Variants in ERICH1 observed in about 807,000 individuals in gnomAD.
ERICH1 encodes the protein glutamate-rich protein 1.
ERICH1 carries 56 observed loss-of-function variants against 39.6 expected under a neutral mutation model. The observed-to-expected ratio is 1.41, with a 90% CI of 1.14 to 1.77. ERICH1 has a LOEUF of 1.77. ERICH1 is among the 40% of genes most tolerant of loss of function. The pLI, the probability that ERICH1 is intolerant of heterozygous loss-of-function variation, is 0.00. For missense variants in ERICH1, 826 were observed against 575.4 expected (o/e 1.44, Z -4.45); for synonymous variants, 313 against 223.6 (o/e 1.40, Z -3.57).
downstream of ERICH1, among the ~76,000 whole-genome samples, chr8:663,001 C>G (rs925975230): frequency 1.3e-5 from 2 of 152,256 alleles, no homozygotes; most frequent in African/African-American, 4.8e-5. Flanking sequence ...GAGCAGCCTG[C>G]GTCCTGTCCT....
chr8:651,210 C>T (rs945851531), intron 3 of ERICH1, among the ~76,000 whole-genome samples: 2 of 152,168 alleles, frequency 1.3e-5, no homozygotes, highest in African/African-American at 4.8e-5. Context: ...TGGTTCAGCT[C>T]AAGTTGTTAG....
At chr8:657,237 C>T (rs1585075334) in intron 3 of ERICH1, among the ~76,000 whole-genome samples, 2 of 152,314 alleles carry the variant, frequency 1.3e-5, no homozygotes, top group East Asian at 1.9e-4. Context: ...CTGAGAGGGG[C>T]TTCTGCCCGA....
At chr8:636,176 C>G (rs1164024424) in intron 3 of ERICH1, among the ~76,000 whole-genome samples, 1 of 152,220 alleles carries the variant, frequency 6.6e-6, no homozygotes, top group Non-Finnish European at 1.5e-5. Context: ...CCGGCCACCT[C>G]CACTGCCCTG....
At chr8:701,144 C>T (rs1812017886) in intron 2 of ERICH1, among the ~76,000 whole-genome samples, 1 of 152,272 alleles carries the variant, frequency 6.6e-6, no homozygotes, top group African/African-American at 2.4e-5. Flanking sequence ...AGAGCAAGGG[C>T]TGGAGAAGAA....
chr8:637,456 C>T (rs971057272), intron 3 of ERICH1: 3 of 152,438 alleles, frequency 2.0e-5, no homozygotes, highest in African/African-American at 7.2e-5. Flanking sequence ...GCTCGCCACT[C>T]CTGGGGTGGA....
At chr8:715,724 T>C (rs987065930) in intron 2 of ERICH1, 137 bp downstream of exon 2, 11 of 1,230,726 alleles carry the variant, frequency 8.9e-6, no homozygotes, top group Non-Finnish European at 1.1e-5. Context: ...ATGCCTGCCC[T>C]GCCCACCTGC....
intron 2 of ERICH1, among the ~76,000 whole-genome samples, chr8:700,114 C>G (rs111215728): frequency 0.16 from 19,584 of 124,734 alleles, 2,156 homozygotes; most frequent in Non-Finnish European, 0.24. Flanking sequence ...CACACGCGCA[C>G]ACACCCTCAC....
chr8:628,845 G>A (rs1220238984), intron 3 of ERICH1, among the ~76,000 whole-genome samples: 1 of 152,094 alleles, frequency 6.6e-6, no homozygotes, highest in Non-Finnish European at 1.5e-5. Flanking sequence ...AGGCAAACAA[G>A]CCCCCTCTCC....
chr8:707,645 G>A (rs1053857729), intron 2 of ERICH1, among the ~76,000 whole-genome samples: 3 of 152,050 alleles, frequency 2.0e-5, no homozygotes, highest in African/African-American at 4.8e-5. Context: ...AACATCAGCT[G>A]AAAACGGATC....
At chr8:690,452 G>C (rs1297155393) in intron 3 of ERICH1, among the ~76,000 whole-genome samples, 5 of 152,362 alleles carry the variant, frequency 3.3e-5, no homozygotes, top group Admixed American at 2.0e-4. Flanking sequence ...AGGTACCCAG[G>C]ACAAGACAAA....
At chr8:641,831 C>A (rs543853646) in intron 3 of ERICH1, among the ~76,000 whole-genome samples, 1 of 152,228 alleles carries the variant, frequency 6.6e-6, no homozygotes, top group Non-Finnish European at 1.5e-5. Flanking sequence ...AGAATCAACG[C>A]CCCGGCTCTG....
intron 3 of ERICH1, among the ~76,000 whole-genome samples, chr8:684,717 A>C (rs1018649483): frequency 6.6e-6 from 1 of 152,154 alleles, no homozygotes; most frequent in African/African-American, 2.4e-5. Context: ...AAATAAAGGG[A>C]AAGAGTACAA....
chr8:701,744 G>C (rs1455664147), intron 2 of ERICH1, among the ~76,000 whole-genome samples: 1 of 152,178 alleles, frequency 6.6e-6, no homozygotes, highest in Non-Finnish European at 1.5e-5. Flanking sequence ...TGAAATTAAA[G>C]ATGATGTCAC....
At chr8:713,074 C>T (rs1815128605) in intron 2 of ERICH1, among the ~76,000 whole-genome samples, 1 of 152,208 alleles carries the variant, frequency 6.6e-6, no homozygotes, top group Admixed American at 6.5e-5. Flanking sequence ...CTTGCAGACG[C>T]CGTTCTCTCT....
At chr8:677,126 G>A (rs963176714) in intron 3 of ERICH1, among the ~76,000 whole-genome samples, 2 of 152,216 alleles carry the variant, frequency 1.3e-5, no homozygotes, top group Non-Finnish European at 2.9e-5. Context: ...TGAGCTCCGG[G>A]CTCTTCGCCA....
chr8:635,965 G>A (rs1049869930), intron 3 of ERICH1, among the ~76,000 whole-genome samples: 1 of 152,226 alleles, frequency 6.6e-6, no homozygotes, highest in Non-Finnish European at 1.5e-5. Flanking sequence ...CGTTCAACCA[G>A]GGCGAGAAGG....
At chr8:717,496 G>A (rs1372524014) in intron 1 of ERICH1, among the ~76,000 whole-genome samples, 1 of 152,202 alleles carries the variant, frequency 6.6e-6, no homozygotes, top group Non-Finnish European at 1.5e-5. Context: ...CAAGACTTCA[G>A]ATAAAAATCC....
intron 4 of ERICH1, among the ~76,000 whole-genome samples, chr8:669,749 G>A (rs183496943): frequency 1.3e-5 from 2 of 152,268 alleles, no homozygotes; most frequent in Non-Finnish European, 2.9e-5. Flanking sequence ...GACTGTGGCT[G>A]TTTAGAAGAA....
intron 3 of ERICH1, among the ~76,000 whole-genome samples, chr8:633,377 G>C (rs1798174519): frequency 6.6e-6 from 1 of 152,222 alleles, no homozygotes; most frequent in Non-Finnish European, 1.5e-5. Context: ...GCTGCATTCA[G>C]CGAGGTACTC....
Sources: allele counts gnomAD v4.1 joint callset (sites outside exome capture counted in the v4.1 genomes callset), GRCh38; gene constraint gnomAD v4.1.1; transcripts MANE v1.5; gene names NCBI Gene and HGNC (gene_info 2026-07-23, HGNC 2026-07-21).